Variants in ARHGAP24 observed in about 807,000 individuals in gnomAD.
The protein encoded by ARHGAP24 is Rho GTPase activating protein 24.
ARHGAP24 carries 50 observed loss-of-function variants against 76.4 expected under a neutral mutation model. The ratio of observed to expected loss-of-function variants is 0.65; its 90% CI spans 0.52 to 0.83. The LOEUF is 0.83. ARHGAP24 is among the 40% of genes least tolerant of loss of function. ARHGAP24 has a pLI of 0.00. For missense variants in ARHGAP24, 930 were observed against 914.2 expected (o/e 1.02, Z -0.22); for synonymous variants, 345 against 323.3 (o/e 1.07, Z -0.72).
chr4:85,493,258 T>C (rs1465694959), intron 1 of ARHGAP24, among the ~76,000 whole-genome samples: 1 of 152,244 alleles, frequency 6.6e-6, no homozygotes, highest in East Asian at 1.9e-4. Flanking sequence ...TGTGGAGAGA[T>C]ACTATGTAAA....
chr4:85,693,095 T>A (rs1036620341), intron 2 of ARHGAP24, among the ~76,000 whole-genome samples: 37 of 152,222 alleles, frequency 2.4e-4, no homozygotes, highest in African/African-American at 8.9e-4. Flanking sequence ...TAGCTTGGAC[T>A]GTGATCCAGT....
intron 2 of ARHGAP24, among the ~76,000 whole-genome samples, chr4:85,671,606 G>T (rs943165565): frequency 2.8e-4 from 43 of 152,138 alleles, no homozygotes; most frequent in African/African-American, 9.9e-4. Context: ...GGAGCTATGA[G>T]CACAGGCCTT....
intron 2 of ARHGAP24, among the ~76,000 whole-genome samples, chr4:85,675,158 T>G (rs1056620855): frequency 3.3e-5 from 5 of 152,132 alleles, no homozygotes; most frequent in Non-Finnish European, 5.9e-5. Context: ...AAAGGCTGCA[T>G]GTAGCAGAAA....
chr4:85,940,969 G>T (rs1736918977), intron 4 of ARHGAP24, among the ~76,000 whole-genome samples: 1 of 152,118 alleles, frequency 6.6e-6, no homozygotes, highest in African/African-American at 2.4e-5. Flanking sequence ...GCATCTGTTG[G>T]TATGATCAAA....
chr4:85,871,071 T>C (rs570403955), intron 3 of ARHGAP24, among the ~76,000 whole-genome samples: 2 of 152,300 alleles, frequency 1.3e-5, no homozygotes, highest in East Asian at 3.9e-4. Context: ...TCTTAATTCC[T>C]GGTGGGGAGA....
chr4:85,491,086 C>G (rs184005727), intron 1 of ARHGAP24, among the ~76,000 whole-genome samples: 364 of 152,226 alleles, frequency 2.4e-3, no homozygotes, highest in African/African-American at 8.3e-3. Flanking sequence ...TCATACAAAA[C>G]TTGTTACTTT....
At position 85,751,684 on chromosome 4, in the gene ARHGAP24, C is replaced by T. The variant is rs546826394; in HGVS notation, c.268+29712C>T. Among the ~76,000 whole-genome samples the T allele has an allele frequency of 3.9e-5, 6 of 152,254 alleles. No homozygotes were observed. The South Asian group carries it at 8.3e-4, about 21-fold the overall frequency. On this transcript the variant is annotated intron_variant, in intron 3 of 9. Coordinates refer to ENST00000395184, the MANE Select transcript of ARHGAP24 (RefSeq NM_001025616.3). ...GTAAACACTACAAAAGCATGGTTTC[C>T]TGTTAACTAGATCCACATTTCCCTT...
intron 1 of ARHGAP24, among the ~76,000 whole-genome samples, chr4:85,564,624 G>T (rs569064180): frequency 6.6e-6 from 1 of 151,662 alleles, no homozygotes; most frequent in Non-Finnish European, 1.5e-5. Context: ...CCAGTTTCAC[G>T]GGGTGAGGGG....
chr4:85,548,814 C>CT (rs766849855), intron 1 of ARHGAP24, among the ~76,000 whole-genome samples: 7 of 152,140 alleles, frequency 4.6e-5, no homozygotes, highest in African/African-American at 9.7e-5. Context: ...CCTTGTGCCC[C>CT]TTTCCCGTCA....
intron 8 of ARHGAP24, among the ~76,000 whole-genome samples, chr4:85,989,375 C>T (rs1006728656): frequency 6.6e-6 from 1 of 151,488 alleles, no homozygotes; most frequent in African/African-American, 2.4e-5. Flanking sequence ...ACTAGTAAAG[C>T]AATTGAATTC....
intron 3 of ARHGAP24, among the ~76,000 whole-genome samples, chr4:85,894,979 A>AG (rs1734071242): frequency 1.6e-5 from 1 of 62,542 alleles, no homozygotes; most frequent in East Asian, 4.9e-4. Flanking sequence ...AAAAAAAAAA[A>AG]AAAAAAAAAC....
At chr4:85,627,391 A>G (rs1312809908) in intron 2 of ARHGAP24, among the ~76,000 whole-genome samples, 1 of 152,048 alleles carries the variant, frequency 6.6e-6, no homozygotes, top group Non-Finnish European at 1.5e-5. Flanking sequence ...AACATTGTAT[A>G]TTGGTGAACC....
intron 3 of ARHGAP24, among the ~76,000 whole-genome samples, chr4:85,838,174 A>G (rs1477010061): frequency 6.6e-6 from 1 of 152,254 alleles, no homozygotes; most frequent in Non-Finnish European, 1.5e-5. Context: ...GGAAGTTGAG[A>G]CACAGGTTAA....
intron 3 of ARHGAP24, among the ~76,000 whole-genome samples, chr4:85,748,520 T>A (rs781594994): frequency 6.6e-6 from 1 of 152,154 alleles, no homozygotes; most frequent in Admixed American, 6.5e-5. Context: ...AAACTTAAAC[T>A]TAGAAAGAAT....
chr4:85,755,636 G>GTTTT lies in ARHGAP24; in HGVS notation c.268+33665_268+33668dup, dbSNP rs1342354389. On this transcript the variant is annotated intron_variant, in intron 3 of 9. Transcript: ENST00000395184. ...AGCTTCTATTCTTTTGTTTTGTTTT[G>GTTTT]TTTTGTTTTGTTTTGAGACGGAGTC... 5.2e-5 allele frequency among the ~76,000 whole-genome samples: 6 copies of GTTTT among 114,300 alleles called. 1 individual carries two copies. Among genetic ancestry groups the GTTTT allele is most frequent in the Admixed American group, 3.0e-4 (3 of 10,126 alleles). The allele number at this position is 114,300 out of a possible 152,430, so 75.0% of individuals were successfully genotyped here.
intron 2 of ARHGAP24, among the ~76,000 whole-genome samples, chr4:85,712,647 T>C (rs926813650): frequency 3.9e-5 from 6 of 152,106 alleles, no homozygotes; most frequent in Non-Finnish European, 7.4e-5. Flanking sequence ...GTCACACCCA[T>C]CTCTGCCTCC....
rs1432679068 is a variant in ARHGAP24 at position 85,663,186 on chromosome 4, T to G, written c.181-58699T>G. Among the ~76,000 whole-genome samples, 315 of 150,756 alleles carry G rather than the reference T, an allele frequency of 2.1e-3. 3 individuals carry two copies. Among genetic ancestry groups the G allele is most frequent in the African/African-American group, 6.7e-3 (276 of 41,060 alleles). On this transcript the variant is annotated intron_variant, in intron 2 of 9. Transcript: ENST00000395184. ...TCTTCCATTTGTTTGTATCCTCTTT[T>G]ATTTCATTGAGCAGTGGTTTGTAGT...
At chr4:85,982,193 T>C (rs1358706503) in intron 8 of ARHGAP24, among the ~76,000 whole-genome samples, 1 of 151,864 alleles carries the variant, frequency 6.6e-6, no homozygotes, top group East Asian at 1.9e-4. Context: ...GTGTTTTTGT[T>C]GTTGTTATTC....
chr4:85,971,973 A>C, intron 5 of ARHGAP24, 63 bp from the exon 6 acceptor site: 6 of 1,612,508 alleles, frequency 3.7e-6, no homozygotes. Context: ...GCTCTTGAAA[A>C]ACAATAAATA....
Sources: gnomAD v4.1 joint callset for allele counts (sites outside exome capture counted in the v4.1 genomes callset) on GRCh38, gnomAD v4.1.1 for gene constraint, MANE v1.5 for transcripts, NCBI Gene and HGNC (gene_info 2026-07-23, HGNC 2026-07-21) for gene names.